Variants in RXFP1 observed in about 807,000 individuals in gnomAD.
RXFP1 encodes the protein relaxin receptor 1.
Under a neutral mutation model 89.8 loss-of-function variants are expected in RXFP1, and 73 were observed. The ratio of observed to expected loss-of-function variants is 0.81; its 90% CI spans 0.67 to 0.99. The LOEUF is 0.99. Ranked by LOEUF, RXFP1 falls within the 50% of genes least tolerant of loss-of-function variation. RXFP1 has a pLI of 0.00. For missense variants in RXFP1, 793 were observed against 895.5 expected (o/e 0.89, Z 1.46); for synonymous variants, 277 against 305.5 (o/e 0.91, Z 0.97).
At chr4:158,564,904 A>G (rs564924066) in intron 1 of RXFP1, among the ~76,000 whole-genome samples, 5 of 152,360 alleles carry the variant, frequency 3.3e-5, no homozygotes, top group Admixed American at 2.0e-4. Flanking sequence ...CCCTATAAAC[A>G]TCACTTACTG....
chr4:158,522,943 TC>T (rs1442647196), intron 1 of RXFP1, among the ~76,000 whole-genome samples: 1 of 152,186 alleles, frequency 6.6e-6, no homozygotes, highest in Non-Finnish European at 1.5e-5. Context: ...TAACTTTCAA[TC>T]CTGACTCTCC....
intron 1 of RXFP1, among the ~76,000 whole-genome samples, chr4:158,528,158 T>C (rs181679787): frequency 6.6e-6 from 1 of 152,128 alleles, no homozygotes; most frequent in Admixed American, 6.6e-5. Context: ...TACATCACCA[T>C]GTTTGCAGCC....
chr4:158,544,709 G>C (rs567366032), intron 1 of RXFP1, among the ~76,000 whole-genome samples: 47 of 151,042 alleles, frequency 3.1e-4, no homozygotes, highest in Non-Finnish European at 6.2e-4. Flanking sequence ...TTGGTTTTTT[G>C]TCCTTGCAAT....
intron 1 of RXFP1, among the ~76,000 whole-genome samples, chr4:158,540,352 T>C (rs1022950407): frequency 6.6e-6 from 1 of 152,036 alleles, no homozygotes; most frequent in Non-Finnish European, 1.5e-5. Flanking sequence ...TGGGACCATA[T>C]AGGGTAACTG....
rs552393787 is a variant in RXFP1 at position 158,648,404 on chromosome 4, T to C, written c.1757-95T>C. On this transcript the variant is annotated intron_variant, in intron 16 of 17. Coordinates refer to ENST00000307765, the MANE Select transcript of RXFP1 (RefSeq NM_021634.4). ...TCTTTGTATCTTTAGTAATAACATC[T>C]TTGTATCTTTAATAATAAAAATGTT... 6.5e-6 allele frequency: 5 copies of C among 768,394 alleles called. No individual in the cohort carries two copies. In the South Asian group the frequency reaches 1.2e-4, roughly 19 times the overall value. 47.6% of individuals were successfully genotyped at this position (768,394 alleles called of 1,614,324 possible).
At chr4:158,573,791 C>T (rs1007263613) in intron 2 of RXFP1, among the ~76,000 whole-genome samples, 1 of 152,128 alleles carries the variant, frequency 6.6e-6, no homozygotes, top group Non-Finnish European at 1.5e-5. Context: ...CATAAAAGGG[C>T]ATGGTAATTG....
chr4:158,552,329 A>C (rs1166743246), intron 1 of RXFP1, among the ~76,000 whole-genome samples: 1 of 152,234 alleles, frequency 6.6e-6, no homozygotes, highest in East Asian at 1.9e-4. Context: ...GTATAAGTAC[A>C]AAATCCGTGG....
At position 158,607,987 on chromosome 4, in the gene RXFP1, T is replaced by C. The variant is rs746548951; in HGVS notation, c.480T>C (p.Asn160=). Residue 160 remains asparagine, a synonymous_variant, in exon 6 of 18, where the codon AAT becomes AAC. Coordinates refer to ENST00000307765, the MANE Select transcript of RXFP1 (RefSeq NM_021634.4). Reference sequence around the variant, plus strand: ...ATTTTCACAGGTACCTGCAAAACAATAAGATTACATCCATCTCCATCTATG... The same window carrying C: ...ATTTTCACAGGTACCTGCAAAACAACAAGATTACATCCATCTCCATCTATG... ...HDLQKLYLQN[N]KITSISIYAF... 1 of 1,604,272 alleles carries C rather than the reference T, an allele frequency of 6.2e-7. No individual in the cohort carries two copies. Among genetic ancestry groups the C allele is most frequent in the Non-Finnish European group, 8.5e-7 (1 of 1,173,632 alleles).
At position 158,630,174 on chromosome 4, in the gene RXFP1, G is replaced by GC. The variant is rs1323205751; in HGVS notation, c.899+1469dup. ...TTCTCAGGTAACAATCCTGCATTCTGCCCCAAAACATCAGGGAATGAGCCA... is the reference window on the plus strand; with the variant it reads ...TTCTCAGGTAACAATCCTGCATTCTGCCCCCAAAACATCAGGGAATGAGCCA... On this transcript the variant is annotated intron_variant, in intron 11 of 17. Coordinates refer to ENST00000307765, the MANE Select transcript of RXFP1 (RefSeq NM_021634.4). Among the ~76,000 whole-genome samples, 3 of 152,228 alleles carry GC rather than the reference G, an allele frequency of 2.0e-5. No homozygotes were observed. In the East Asian group the frequency reaches 5.8e-4, roughly 29 times the overall value.
rs372722673 is a variant in RXFP1, at chr4:158,646,796, G to A, written c.1351G>A (p.Asp451Asn). ...AMSIISLCCADCLMGIYLFVI... is the reference protein window; with the variant it reads ...AMSIISLCCANCLMGIYLFVI... ...TGAAACTATGACTCCTCTAGGTGCC[G>A]ACTGCTTAATGGGAATATATTTATT... The change falls in exon 16 of 18, where the codon GAC (aspartate) becomes AAC (asparagine). Residue 451 changes from aspartate (D) to asparagine (N), a missense_variant. Transcript: ENST00000307765. 9 of 1,596,294 alleles carry A rather than the reference G, an allele frequency of 5.6e-6. No homozygotes were observed. The highest frequency in any genetic ancestry group is 7.7e-6 in the Non-Finnish European group (9 of 1,168,690).
intron 9 of RXFP1, among the ~76,000 whole-genome samples, chr4:158,619,738 T>C (rs957607540): frequency 1.3e-5 from 2 of 150,730 alleles, no homozygotes; most frequent in African/African-American, 4.9e-5. Context: ...GGACAGAAAA[T>C]CCTCCTGCAC....
intron 11 of RXFP1, among the ~76,000 whole-genome samples, chr4:158,630,998 G>C (rs1767921935): frequency 6.6e-6 from 1 of 152,180 alleles, no homozygotes; most frequent in African/African-American, 2.4e-5. Flanking sequence ...TAGTTTACAA[G>C]GTGTTTCCTG....
intron 9 of RXFP1, among the ~76,000 whole-genome samples, chr4:158,619,087 T>TCACA (rs146359018): frequency 1.2e-4 from 18 of 149,330 alleles, no homozygotes; most frequent in Admixed American, 2.0e-4. Context: ...TAAAATGTGA[T>TCACA]CACACACACA....
intron 14 of RXFP1, among the ~76,000 whole-genome samples, chr4:158,643,468 G>GTTTTTT (rs59869659): frequency 2.7e-5 from 3 of 112,826 alleles, no homozygotes; most frequent in Non-Finnish European, 5.0e-5. Flanking sequence ...TCATATGCTA[G>GTTTTTT]TTTTTTTTTT....
intron 1 of RXFP1, among the ~76,000 whole-genome samples, chr4:158,543,400 G>A (rs1579459381): frequency 6.6e-6 from 1 of 152,198 alleles, no homozygotes; most frequent in South Asian, 2.1e-4. Flanking sequence ...AATTTCCCAA[G>A]AAGATTTCTA....
chr4:158,527,548 G>A (rs1306424775), intron 1 of RXFP1, among the ~76,000 whole-genome samples: 4 of 15,606 alleles, frequency 2.6e-4, no homozygotes, highest in East Asian at 2.0e-3. Flanking sequence ...CATCTCCCCC[G>A]CTCCAAAAAA....
chr4:158,541,527 A>G (rs890399059), intron 1 of RXFP1, among the ~76,000 whole-genome samples: 2 of 152,150 alleles, frequency 1.3e-5, no homozygotes, highest in Non-Finnish European at 1.5e-5. Context: ...ATATAAAAAT[A>G]TTTCCTAAAC....
At chr4:158,632,634 C>G (rs1433537248) in intron 11 of RXFP1, among the ~76,000 whole-genome samples, 1 of 152,120 alleles carries the variant, frequency 6.6e-6, no homozygotes, top group Non-Finnish European at 1.5e-5. Flanking sequence ...AGCAGACCCT[C>G]TACACATACA....
intron 2 of RXFP1, among the ~76,000 whole-genome samples, chr4:158,593,102 A>AAAAC (rs111816773): frequency 0.29 from 44,022 of 150,392 alleles, 11,683 homozygotes; most frequent in African/African-American, 0.71. Context: ...AAAAAAAACA[A>AAAAC]AAACAAACAA....
Sources: allele counts gnomAD v4.1 joint callset (sites outside exome capture counted in the v4.1 genomes callset), GRCh38; gene constraint gnomAD v4.1.1; transcripts MANE v1.5; gene names NCBI Gene and HGNC (gene_info 2026-07-23, HGNC 2026-07-21).